The following FAM81A variants were observed in gnomAD, a reference collection of about 807,000 sequenced individuals.
The protein encoded by FAM81A is family with sequence similarity 81 member A.
A neutral mutation model predicts 46.7 loss-of-function variants in FAM81A; 19 were observed. The ratio of observed to expected loss-of-function variants is 0.41; its 90% CI spans 0.28 to 0.60. The LOEUF is 0.60. FAM81A is among the 20% of genes least tolerant of loss of function. The pLI, the probability that FAM81A is intolerant of heterozygous loss-of-function variation, is 0.34. For synonymous variants in FAM81A, 183 were observed against 152.9 expected, an observed-to-expected ratio of 1.20 and a Z score of -1.45; for missense variants, 377 against 453.5, an observed-to-expected ratio of 0.83 and a Z score of 1.53.
intron 2 of FAM81A, among the ~76,000 whole-genome samples, chr15:59,405,017 A>G (rs1221178222): frequency 1.3e-5 from 2 of 152,136 alleles, no homozygotes; most frequent in Admixed American, 1.3e-4. Flanking sequence ...GGGCCTTTGC[A>G]TGCTCTCTTC....
At chr15:59,430,450 G>C (rs2081215107) in intron 2 of FAM81A, among the ~76,000 whole-genome samples, 2 of 151,924 alleles carry the variant, frequency 1.3e-5, no homozygotes, top group Non-Finnish European at 2.9e-5. Context: ...ATTTTTAGTA[G>C]AGATGGGGTT....
intron 4 of FAM81A, among the ~76,000 whole-genome samples, chr15:59,502,158 TC>T (rs1205080485): frequency 9.9e-5 from 15 of 151,298 alleles, no homozygotes; most frequent in African/African-American, 3.6e-4. Context: ...TTTATTTTTT[TC>T]TTTTTCTTTT....
chr15:59,489,411 T>G (rs1596521938), intron 3 of FAM81A, among the ~76,000 whole-genome samples: 2 of 151,790 alleles, frequency 1.3e-5, no homozygotes, highest in East Asian at 3.9e-4. Flanking sequence ...TGGAGAAGAC[T>G]CATAAAAATG....
intron 8 of FAM81A, among the ~76,000 whole-genome samples, chr15:59,517,041 G>A (rs1472799450): frequency 3.9e-5 from 6 of 152,144 alleles, no homozygotes; most frequent in African/African-American, 9.7e-5. Flanking sequence ...AAGAGCCACC[G>A]TGAGAGACAG....
At chr15:59,466,629 G>C (rs1213501127) in intron 3 of FAM81A, among the ~76,000 whole-genome samples, 5 of 152,136 alleles carry the variant, frequency 3.3e-5, no homozygotes, top group African/African-American at 1.2e-4. Context: ...TGGGTAGATT[G>C]CAAAAATTTT....
chr15:59,495,048 A>G (rs2082019838), intron 4 of FAM81A, among the ~76,000 whole-genome samples: 1 of 152,146 alleles, frequency 6.6e-6, no homozygotes, highest in Non-Finnish European at 1.5e-5. Context: ...AGTGAGATCT[A>G]ACTATATAAG....
chr15:59,468,388 C>A (rs1166847327), intron 3 of FAM81A, among the ~76,000 whole-genome samples: 4 of 152,046 alleles, frequency 2.6e-5, no homozygotes, highest in Non-Finnish European at 5.9e-5. Context: ...ATTTTAGAGC[C>A]TGTTACTGGT....
intron 4 of FAM81A, among the ~76,000 whole-genome samples, chr15:59,503,625 T>C (rs2082118835): frequency 6.6e-6 from 1 of 151,796 alleles, no homozygotes. Flanking sequence ...CAGGCTGGAG[T>C]GCAATGGCGC....
intron 3 of FAM81A, among the ~76,000 whole-genome samples, chr15:59,482,263 G>A (rs4774335): frequency 0.18 from 26,768 of 151,938 alleles, 2,523 homozygotes; most frequent in Admixed American, 0.26. Context: ...CATTTCTGAA[G>A]TGTCTATTTT....
chr15:59,514,372 AAG>A lies in FAM81A; in HGVS notation c.737_738del (p.Glu246AlafsTer6). On this transcript the variant is annotated frameshift_variant, in exon 7 of 9. Transcript: ENST00000288228. LOFTEE classifies it high-confidence loss of function. ...CAACAGGAACAAGAACGGATAGAAAAAGAGCTTTTACAGAAAATTGATCAGCT... is the reference window on the plus strand; with the variant it reads ...CAACAGGAACAAGAACGGATAGAAAAAGCTTTTACAGAAAATTGATCAGCT... 6.2e-7 allele frequency: 1 copy of A among 1,613,874 alleles called. No individual in the cohort carries two copies. The highest frequency in any genetic ancestry group is 8.5e-7 in the Non-Finnish European group (1 of 1,179,834).
chr15:59,484,852 T>C (rs1295479810), intron 3 of FAM81A, among the ~76,000 whole-genome samples: 1 of 152,146 alleles, frequency 6.6e-6, no homozygotes, highest in African/African-American at 2.4e-5. Flanking sequence ...GCTCTTGGAC[T>C]CTTGGATCTC....
intron 3 of FAM81A, among the ~76,000 whole-genome samples, chr15:59,462,729 A>G (rs1380238794): frequency 1.3e-5 from 2 of 152,146 alleles, no homozygotes; most frequent in Non-Finnish European, 2.9e-5. Context: ...GAATTTGCTT[A>G]TTCTAGCTAC....
At chr15:59,425,813 G>A (rs2081192279) in intron 2 of FAM81A, among the ~76,000 whole-genome samples, 2 of 152,042 alleles carry the variant, frequency 1.3e-5, no homozygotes, top group Non-Finnish European at 2.9e-5. Flanking sequence ...TTGTAGAGAT[G>A]GGGGTCTCAC....
intron 1 of FAM81A, among the ~76,000 whole-genome samples, chr15:59,456,979 T>G (rs959198961): frequency 6.6e-6 from 1 of 152,252 alleles, no homozygotes; most frequent in Non-Finnish European, 1.5e-5. Flanking sequence ...GCCAAATACA[T>G]GTTTCTTAAG....
chr15:59,492,298 G>A lies in FAM81A; in HGVS notation c.322G>A (p.Asp108Asn). The change falls in exon 4 of 9, where the codon GAC becomes AAC. Residue 108 changes from aspartate to asparagine, a missense_variant. Asp to Asn is a conservative substitution (Grantham distance 23). Transcript: ENST00000288228. The part of the protein sequence containing the change: ...EVLQEQIRAR[D>N]NISYGTNSAL... Reference sequence around the variant, plus strand: ...ACTCCAGGAGCAGATTCGTGCCCGGGACAACATTAGCTATGGAACTAATTC... The same window carrying A: ...ACTCCAGGAGCAGATTCGTGCCCGGAACAACATTAGCTATGGAACTAATTC... The A allele has an allele frequency of 6.2e-7, 1 of 1,613,550 alleles. No homozygotes were observed. Among genetic ancestry groups the A allele is most frequent in the Non-Finnish European group, 8.5e-7 (1 of 1,179,732 alleles).
intron 7 of FAM81A, among the ~76,000 whole-genome samples, chr15:59,514,726 A>G (rs2082248941): frequency 6.6e-6 from 1 of 152,214 alleles, no homozygotes; most frequent in Non-Finnish European, 1.5e-5. Flanking sequence ...ACTAAGAATC[A>G]CCAACTTCAT....
At chr15:59,402,449 C>T (rs1298810525) in intron 2 of FAM81A, 1 of 152,310 alleles carries the variant, frequency 6.6e-6, no homozygotes, top group Non-Finnish European at 1.5e-5. Context: ...CCATTATACT[C>T]ACAACGAGTT....
At chr15:59,424,303 C>T (rs1435321458) in intron 2 of FAM81A, among the ~76,000 whole-genome samples, 1 of 152,166 alleles carries the variant, frequency 6.6e-6, no homozygotes, top group Non-Finnish European at 1.5e-5. Flanking sequence ...AGTCTCCTTC[C>T]TTGGTTCTTG....
Position 59,460,272 on chromosome 15 carries a change from ACC to A in FAM81A, c.294+68_294+69del. The A allele has an allele frequency of 1.9e-6, 3 of 1,602,652 alleles. No individual in the cohort carries two copies. Among genetic ancestry groups the A allele is most frequent in the Non-Finnish European group, 2.6e-6 (3 of 1,170,654 alleles). ...CAGAATTGCTCCATGTCAGGAGGTCACCCACATCTAACTCCTACCTCCCAGGC... is the reference window on the plus strand; with the variant it reads ...CAGAATTGCTCCATGTCAGGAGGTCACACATCTAACTCCTACCTCCCAGGC... On this transcript the variant is annotated intron_variant, in intron 3 of 8. Coordinates refer to ENST00000288228, the MANE Select transcript of FAM81A (RefSeq NM_152450.3). This position sits in a 1 kb window ranked among gnomAD's most constrained non-coding sequence, Gnocchi z 4.4.
Sources: gnomAD v4.1 joint callset for allele counts (sites outside exome capture counted in the v4.1 genomes callset) on GRCh38, gnomAD v4.1.1 for gene constraint, Gnocchi (gnomAD v3.1) non-coding constraint, MANE v1.5 for transcripts, NCBI Gene and HGNC (gene_info 2026-07-23, HGNC 2026-07-21) for gene names.